Variants in ASTN1 observed in about 807,000 individuals in gnomAD.
The protein encoded by ASTN1 is astrotactin-1.
A neutral mutation model predicts 140.7 loss-of-function variants in ASTN1; 41 were observed. That is an observed-to-expected ratio of 0.29 (90% CI 0.23 to 0.38). The LOEUF is 0.38. Ranked by LOEUF, ASTN1 falls within the 10% of genes least tolerant of loss-of-function variation. The pLI, the probability that ASTN1 is intolerant of heterozygous loss-of-function variation, is 1.00. For synonymous variants in ASTN1, 640 were observed against 652.2 expected, an observed-to-expected ratio of 0.98 and a Z score of 0.29; for missense variants, 1,479 against 1,678.8, an observed-to-expected ratio of 0.88 and a Z score of 2.08.
chr1:177,041,369 G>A (rs948964938), intron 2 of ASTN1, among the ~76,000 whole-genome samples: 4 of 152,152 alleles, frequency 2.6e-5, no homozygotes, highest in Non-Finnish European at 5.9e-5. Context: ...GCATGCACAC[G>A]CACAAATGTG....
chr1:177,163,061 C>A (rs752820452), intron 1 of ASTN1, among the ~76,000 whole-genome samples: 12 of 152,082 alleles, frequency 7.9e-5, no homozygotes, highest in Non-Finnish European at 1.0e-4. Context: ...TCACTCACTT[C>A]CTAGTGTTTT....
chr1:177,159,034 TC>T (rs1399816726), intron 1 of ASTN1, among the ~76,000 whole-genome samples: 13 of 134,126 alleles, frequency 9.7e-5, no homozygotes, highest in African/African-American at 3.6e-4. Context: ...GCCACTGCAC[TC>T]CAGCCTGGGC....
intron 2 of ASTN1, among the ~76,000 whole-genome samples, chr1:177,033,156 T>TGTGTGTGC (rs1491449826): frequency 6.7e-6 from 1 of 148,806 alleles, no homozygotes; most frequent in Non-Finnish European, 1.5e-5. Context: ...TGTGTGTGTG[T>TGTGTGTGC]GCGTGATTTC....
chr1:177,151,743 A>T (rs1683045779), intron 1 of ASTN1, among the ~76,000 whole-genome samples: 2 of 152,184 alleles, frequency 1.3e-5, no homozygotes. Context: ...CTTTTTAAAA[A>T]TATGATTTAA....
chr1:177,146,759 G>T (rs919290860), intron 1 of ASTN1, among the ~76,000 whole-genome samples: 4 of 152,060 alleles, frequency 2.6e-5, no homozygotes, highest in Non-Finnish European at 4.4e-5. Flanking sequence ...AGATCACTTA[G>T]TTCACTTTCA....
chr1:176,867,156 G>C (rs1387833822), intron 22 of ASTN1, among the ~76,000 whole-genome samples: 1 of 152,128 alleles, frequency 6.6e-6, no homozygotes, highest in East Asian at 1.9e-4. Flanking sequence ...TCTGACTCTT[G>C]AGTCACAAAA....
rs550666102 is a variant in ASTN1, at chr1:177,125,894, G to C, written c.283+38500C>G. On this transcript the variant is annotated intron_variant, in intron 1 of 22. Transcript: ENST00000361833. ...ATGTGTTTACCACCCACTATATTAA[G>C]TAATAATAATACTCTCTTTCATTTC... Among the ~76,000 whole-genome samples, 3 of 152,240 alleles carry C rather than the reference G, an allele frequency of 2.0e-5. No individual in the cohort carries two copies. The South Asian group carries it at 6.2e-4, about 32-fold the overall frequency.
At chr1:177,092,927 G>A (rs1414198190) in intron 1 of ASTN1, among the ~76,000 whole-genome samples, 1 of 152,148 alleles carries the variant, frequency 6.6e-6, no homozygotes, top group Non-Finnish European at 1.5e-5. Flanking sequence ...GTACCACACT[G>A]TTTTTATTGC....
intron 1 of ASTN1, among the ~76,000 whole-genome samples, chr1:177,063,698 A>G (rs1013428974): frequency 1.3e-5 from 2 of 152,046 alleles, no homozygotes; most frequent in Non-Finnish European, 2.9e-5. Context: ...CCTTCAAATC[A>G]AAGCCCCAAA....
At chr1:176,982,754 G>A (rs1364054980) in intron 8 of ASTN1, among the ~76,000 whole-genome samples, 4 of 152,206 alleles carry the variant, frequency 2.6e-5, no homozygotes, top group African/African-American at 9.6e-5. Flanking sequence ...AGATTCTAAT[G>A]TGCAGCATAG....
chr1:176,988,454 G>A (rs1004096537), intron 8 of ASTN1, among the ~76,000 whole-genome samples: 1 of 151,996 alleles, frequency 6.6e-6, no homozygotes, highest in Non-Finnish European at 1.5e-5. Flanking sequence ...AGGAAAAAAT[G>A]AACTCTTATC....
At chr1:177,039,108 C>T (rs1364015695) in intron 2 of ASTN1, among the ~76,000 whole-genome samples, 2 of 152,212 alleles carry the variant, frequency 1.3e-5, no homozygotes, top group African/African-American at 4.8e-5. Flanking sequence ...TGAGATTATG[C>T]TTCCAGCTAC....
intron 1 of ASTN1, among the ~76,000 whole-genome samples, chr1:177,127,866 T>C (rs1681735153): frequency 1.3e-5 from 2 of 152,344 alleles, no homozygotes; most frequent in East Asian, 1.9e-4. Context: ...AAAACGTAAA[T>C]GTTTGCTGTA....
intron 8 of ASTN1, among the ~76,000 whole-genome samples, chr1:177,000,948 G>A (rs1436506204): frequency 1.3e-5 from 2 of 152,096 alleles, no homozygotes; most frequent in African/African-American, 4.8e-5. Flanking sequence ...AATTGTCAGC[G>A]ATTCAGCTGG....
intron 8 of ASTN1, among the ~76,000 whole-genome samples, chr1:176,984,568 G>A (rs546225961): frequency 2.6e-5 from 4 of 152,268 alleles, no homozygotes; most frequent in Non-Finnish European, 5.9e-5. Context: ...CAACCTCACT[G>A]CAAACCTACT....
chr1:177,009,008 A>C (rs1374448964), intron 8 of ASTN1, among the ~76,000 whole-genome samples: 1 of 152,208 alleles, frequency 6.6e-6, no homozygotes, highest in Non-Finnish European at 1.5e-5. Context: ...AAAGAGTCAG[A>C]AATTTCCTAT....
intron 5 of ASTN1, among the ~76,000 whole-genome samples, chr1:177,027,983 C>T (rs185692141): frequency 2.0e-5 from 3 of 152,140 alleles, no homozygotes; most frequent in South Asian, 2.1e-4. Flanking sequence ...GTTTTTGCTG[C>T]ACTGATGGAT....
chr1:177,141,123 G>A (rs1185632413), intron 1 of ASTN1, among the ~76,000 whole-genome samples: 1 of 152,166 alleles, frequency 6.6e-6, no homozygotes. Context: ...GGCTGAGGCA[G>A]GAGAATCGCT....
intron 1 of ASTN1, among the ~76,000 whole-genome samples, chr1:177,110,552 A>C (rs1680775793): frequency 6.6e-6 from 1 of 152,228 alleles, no homozygotes; most frequent in Admixed American, 6.5e-5. Context: ...AATTATTTCT[A>C]GATACAAAGG....
Sources: allele counts gnomAD v4.1 joint callset (sites outside exome capture counted in the v4.1 genomes callset), GRCh38; gene constraint gnomAD v4.1.1; transcripts MANE v1.5; gene names NCBI Gene and HGNC (gene_info 2026-07-23, HGNC 2026-07-21).